TSPAN18: variants seen among roughly 807,000 people sequenced by gnomAD.
The protein encoded by TSPAN18 is tetraspanin 18, also known as tetraspanin-18.
Under a neutral mutation model 27.3 loss-of-function variants are expected in TSPAN18, and 14 were observed. The observed-to-expected ratio is 0.51, with a 90% CI of 0.34 to 0.80. The LOEUF (loss-of-function observed/expected upper bound fraction) is 0.80. TSPAN18 is among the 30% of genes least tolerant of loss of function. The pLI is 0.01. For missense variants in TSPAN18, 268 were observed against 323.9 expected, an observed-to-expected ratio of 0.83 and a Z score of 1.32; for synonymous variants, 143 against 136.5, an observed-to-expected ratio of 1.05 and a Z score of -0.33.
At chr11:44,859,556 C>T (rs1385711317) in intron 2 of TSPAN18, 1 of 152,280 alleles carries the variant, frequency 6.6e-6, no homozygotes, top group Non-Finnish European at 1.5e-5. Context: ...AAAGCCCGTG[C>T]TCTTGGCTAC....
At chr11:44,877,320 A>G (rs1208200024) in intron 3 of TSPAN18, among the ~76,000 whole-genome samples, 2 of 152,090 alleles carry the variant, frequency 1.3e-5, no homozygotes, top group East Asian at 3.9e-4. Flanking sequence ...TCTAATGGAC[A>G]TTGGGTGGGG....
intron 2 of TSPAN18, among the ~76,000 whole-genome samples, chr11:44,843,943 T>C (rs939313409): frequency 2.0e-5 from 3 of 152,212 alleles, no homozygotes; most frequent in African/African-American, 7.2e-5. Context: ...AACGCAATTA[T>C]TACAGGGTCC....
chr11:44,768,813 A>G (rs1179936248), intron 2 of TSPAN18, among the ~76,000 whole-genome samples: 1 of 152,046 alleles, frequency 6.6e-6, no homozygotes, highest in Non-Finnish European at 1.5e-5. Flanking sequence ...GATTTTGTCA[A>G]ATGCTTTTTC....
At chr11:44,899,429 TGC>T (rs1859177884) in intron 3 of TSPAN18, among the ~76,000 whole-genome samples, 1 of 152,248 alleles carries the variant, frequency 6.6e-6, no homozygotes, top group South Asian at 2.1e-4. Flanking sequence ...TTTAGGATGT[TGC>T]TAGTCTCAGG....
At chr11:44,786,589 A>G (rs950587697) in intron 2 of TSPAN18, among the ~76,000 whole-genome samples, 2 of 145,918 alleles carry the variant, frequency 1.4e-5, no homozygotes, top group East Asian at 4.1e-4. Context: ...TGATGTGGTC[A>G]CTTCCCTGCT....
chr11:44,916,773 A>G (rs1252394015), intron 5 of TSPAN18, among the ~76,000 whole-genome samples: 1 of 152,166 alleles, frequency 6.6e-6, no homozygotes, highest in Non-Finnish European at 1.5e-5. Context: ...GGGACCCCAG[A>G]GAGCAGGTCT....
intron 8 of TSPAN18, among the ~76,000 whole-genome samples, chr11:44,925,366 G>A (rs1237252519): frequency 3.3e-5 from 5 of 152,170 alleles, no homozygotes; most frequent in African/African-American, 7.2e-5. Context: ...GACCCAGATC[G>A]TCGTGCCGGT....
chr11:44,810,070 T>A (rs1433184274), intron 2 of TSPAN18, among the ~76,000 whole-genome samples: 1 of 152,220 alleles, frequency 6.6e-6, no homozygotes, highest in African/African-American at 2.4e-5. Flanking sequence ...TATTACCCGT[T>A]TGCCTTCATA....
chr11:44,779,900 TG>T (rs934669950), intron 2 of TSPAN18, among the ~76,000 whole-genome samples: 41 of 152,148 alleles, frequency 2.7e-4, no homozygotes, highest in Middle Eastern at 3.4e-3. Flanking sequence ...TGCACTCATC[TG>T]CCCACATCCC....
rs763195686 is a variant in TSPAN18 at position 44,909,870 on chromosome 11, G to C, written c.229G>C (p.Val77Leu). ...LLGFLGCCGA[V>L]RENKCLLLFF... ...CGGCTTCCTGGGCTGCTGCGGGGCC[G>C]TCCGTGAGAACAAGTGTCTGCTGCT... Residue 77 changes from valine to leucine, a missense_variant, in exon 5 of 10, where the codon GTC (valine) becomes CTC (leucine). Val to Leu is a conservative substitution (Grantham distance 32). Transcript: ENST00000520358. 6.2e-7 allele frequency: 1 copy of C among 1,613,518 alleles called. No homozygotes were observed. Among genetic ancestry groups the C allele is most frequent in the Admixed American group, 1.7e-5 (1 of 59,992 alleles).
rs145005909 is a variant in TSPAN18, at chr11:44,909,318, G to A, written c.64-387G>A. On this transcript the variant is annotated intron_variant, in intron 4 of 9. Coordinates refer to ENST00000520358, the MANE Select transcript of TSPAN18 (RefSeq NM_130783.5). ...ACTCTGACTCTGCCATGAACTTGCT[G>A]TGTGACCTTCAGCAAGTTGTTGGTT... Among the ~76,000 whole-genome samples the A allele has an allele frequency of 3.8e-3, 580 of 152,302 alleles. 4 individuals are homozygous for A. Among genetic ancestry groups the A allele is most frequent in the African/African-American group, 0.013 (537 of 41,572 alleles).
At chr11:44,765,317 G>T (rs1037092349) in intron 2 of TSPAN18, among the ~76,000 whole-genome samples, 2 of 152,200 alleles carry the variant, frequency 1.3e-5, no homozygotes, top group East Asian at 3.8e-4. Flanking sequence ...TTGGGAGGTT[G>T]TGGAAGGCCA....
At chr11:44,846,951 T>C (rs1262381644) in intron 2 of TSPAN18, among the ~76,000 whole-genome samples, 2 of 152,190 alleles carry the variant, frequency 1.3e-5, no homozygotes, top group Non-Finnish European at 2.9e-5. Flanking sequence ...GGGGCATTCA[T>C]AGTGTTTAAC....
rs116664674 is a variant in TSPAN18 at position 44,824,391 on chromosome 11, G to A, written c.-152-35937G>A. Reference sequence around the variant, plus strand: ...CCACCCCCAACTGGGGCTGGGGGCAGGGATAGGGGATGTGGTGGCCTTGAT... The same window carrying A: ...CCACCCCCAACTGGGGCTGGGGGCAAGGATAGGGGATGTGGTGGCCTTGAT... On this transcript the variant is annotated intron_variant, in intron 2 of 9. Coordinates refer to ENST00000520358, the MANE Select transcript of TSPAN18 (RefSeq NM_130783.5). Among the ~76,000 whole-genome samples the A allele has an allele frequency of 3.0e-3, 457 of 152,354 alleles. 6 individuals are homozygous for A. The highest frequency in any genetic ancestry group is 0.011 in the African/African-American group (441 of 41,584).
intron 4 of TSPAN18, chr11:44,909,427 A>G (rs1859624431): frequency 2.5e-6 from 1 of 403,618 alleles, no homozygotes; most frequent in Admixed American, 4.3e-5. Flanking sequence ...AAAATTGGCA[A>G]ATAGCCTTTA....
intron 2 of TSPAN18, among the ~76,000 whole-genome samples, chr11:44,811,125 AACACACACACACACACACACACACAC>A (rs61153202): frequency 1.4e-5 from 2 of 142,486 alleles, no homozygotes; most frequent in South Asian, 2.3e-4. Flanking sequence ...CTGGAGTTTT[AACACACACACACACACACACACACAC>A]ACACACACAC....
At chr11:44,797,183 T>TCC (rs1856369146) in intron 2 of TSPAN18, among the ~76,000 whole-genome samples, 1 of 152,268 alleles carries the variant, frequency 6.6e-6, no homozygotes, top group African/African-American at 2.4e-5. Flanking sequence ...ATCTGATTTC[T>TCC]CACAACCCAG....
chr11:44,917,903 G>A (rs1859971869), intron 5 of TSPAN18, 69 bp from the exon 6 acceptor site: 2 of 1,412,156 alleles, frequency 1.4e-6, no homozygotes, highest in African/African-American at 2.8e-5. Flanking sequence ...ATGGACGGAT[G>A]CATTGGCCAG....
chr11:44,728,776 T>C (rs1227405520), intron 1 of TSPAN18, among the ~76,000 whole-genome samples: 1 of 152,184 alleles, frequency 6.6e-6, no homozygotes, highest in African/African-American at 2.4e-5. Flanking sequence ...CTGGCATCTG[T>C]GAGGACTGTC....
Sources: allele counts gnomAD v4.1 joint callset (sites outside exome capture counted in the v4.1 genomes callset), GRCh38; gene constraint gnomAD v4.1.1; transcripts MANE v1.5; gene names NCBI Gene and HGNC (gene_info 2026-07-23, HGNC 2026-07-21).